Variants in GRM3 observed in about 807,000 individuals in gnomAD.
GRM3 encodes the protein glutamate metabotropic receptor 3, also known as metabotropic glutamate receptor 3.
In GRM3, 26 loss-of-function variants were observed where a neutral mutation model predicts 70.5. The ratio of observed to expected loss-of-function variants is 0.37; its 90% confidence interval spans 0.27 to 0.51. The LOEUF (loss-of-function observed/expected upper bound fraction) is 0.51. Among genes scored for constraint, GRM3 ranks in the 20% least tolerant of loss-of-function variants. GRM3 has a pLI of 0.93. For synonymous variants in GRM3, 443 were observed against 434.9 expected (o/e 1.02, Z -0.23); for missense variants, 859 against 1,123.8 (o/e 0.76, Z 3.37).
intron 1 of GRM3, among the ~76,000 whole-genome samples, chr7:86,763,316 C>G (rs1308104192): frequency 6.6e-6 from 1 of 152,088 alleles, no homozygotes; most frequent in Non-Finnish European, 1.5e-5. Context: ...CAGAAGAATG[C>G]TCCAGGAGTC....
chr7:86,680,528 C>A (rs1041323992), intron 1 of GRM3, among the ~76,000 whole-genome samples: 2 of 152,232 alleles, frequency 1.3e-5, no homozygotes, highest in African/African-American at 2.4e-5. Flanking sequence ...CTCTACTATG[C>A]AAGTGTTGGG....
Position 86,690,930 on chromosome 7 carries a change from T to C in GRM3, c.-141+46058T>C, listed in dbSNP as rs112957082. On this transcript the variant is annotated intron_variant, in intron 1 of 5. Coordinates refer to ENST00000361669, the MANE Select transcript of GRM3 (RefSeq NM_000840.3). ...TTATGTTTAAGATTTGCCTGGTTGT[T>C]GCAAAAATAAACATCTTTACCATAA... 3.1e-3 allele frequency among the ~76,000 whole-genome samples: 474 copies of C among 152,278 alleles called. 4 individuals carry two copies. The highest frequency in any genetic ancestry group is 0.011 in the African/African-American group (449 of 41,564).
chr7:86,710,042 G>A (rs1256650406), intron 1 of GRM3: 4 of 152,116 alleles, frequency 2.6e-5, no homozygotes, highest in East Asian at 3.9e-4. Flanking sequence ...AAATTAAAGC[G>A]AGCATTTTCT....
At chr7:86,782,618 A>C (rs1485999114) in intron 2 of GRM3, among the ~76,000 whole-genome samples, 3 of 152,194 alleles carry the variant, frequency 2.0e-5, no homozygotes, top group Non-Finnish European at 4.4e-5. Flanking sequence ...TTATTTTTAC[A>C]GGCTTATGTC....
At chr7:86,667,263 A>G (rs930121691) in intron 1 of GRM3, among the ~76,000 whole-genome samples, 1 of 152,144 alleles carries the variant, frequency 6.6e-6, no homozygotes, top group Non-Finnish European at 1.5e-5. Context: ...AGGGCATAGA[A>G]TAGTGGATGA....
intron 1 of GRM3, among the ~76,000 whole-genome samples, chr7:86,666,244 C>G (rs1199704168): frequency 6.6e-6 from 1 of 151,948 alleles, no homozygotes; most frequent in Non-Finnish European, 1.5e-5. Context: ...AGAAAATGAC[C>G]TGATTAGCTT....
chr7:86,732,648 C>G (rs540670657), intron 1 of GRM3, among the ~76,000 whole-genome samples: 2 of 152,304 alleles, frequency 1.3e-5, no homozygotes, highest in African/African-American at 4.8e-5. Context: ...GATATTAACA[C>G]TATGCCAATT....
intron 1 of GRM3, among the ~76,000 whole-genome samples, chr7:86,732,874 A>G (rs1795767872): frequency 6.6e-6 from 1 of 152,192 alleles, no homozygotes; most frequent in East Asian, 1.9e-4. Context: ...AGGGACTGGC[A>G]TGATCTAGAT....
chr7:86,782,392 G>T (rs927333585), intron 2 of GRM3, among the ~76,000 whole-genome samples: 18 of 150,360 alleles, frequency 1.2e-4, no homozygotes, highest in Admixed American at 7.3e-4. Context: ...TATTTGTACT[G>T]CCATTTCCAT....
chr7:86,676,620 T>C (rs1794314233), intron 1 of GRM3, among the ~76,000 whole-genome samples: 1 of 152,024 alleles, frequency 6.6e-6, no homozygotes, highest in Non-Finnish European at 1.5e-5. Flanking sequence ...GGGCCCGATA[T>C]TAGCCTCTCT....
intron 1 of GRM3, among the ~76,000 whole-genome samples, chr7:86,746,996 C>T (rs1406478895): frequency 6.6e-6 from 1 of 152,080 alleles, no homozygotes; most frequent in East Asian, 1.9e-4. Context: ...AGCTCTAGTC[C>T]TGGCTCTGGT....
At chr7:86,825,872 A>T (rs1798222180) in intron 3 of GRM3, among the ~76,000 whole-genome samples, 1 of 152,226 alleles carries the variant, frequency 6.6e-6, no homozygotes, top group Non-Finnish European at 1.5e-5. Flanking sequence ...TTCTGAGAGC[A>T]TCTCTGAATG....
chr7:86,842,436 T>C (rs531048284), intron 4 of GRM3, among the ~76,000 whole-genome samples: 2 of 152,314 alleles, frequency 1.3e-5, no homozygotes, highest in South Asian at 4.1e-4. Flanking sequence ...CTCTTATTCC[T>C]GTTGCCCCTA....
intron 1 of GRM3, among the ~76,000 whole-genome samples, chr7:86,661,457 C>T (rs1277862758): frequency 6.6e-6 from 1 of 151,872 alleles, no homozygotes; most frequent in Non-Finnish European, 1.5e-5. Flanking sequence ...GCTAATAGTT[C>T]TGTTGTACAG....
intron 1 of GRM3, among the ~76,000 whole-genome samples, chr7:86,724,778 G>A (rs1423289207): frequency 1.5e-5 from 2 of 130,038 alleles, no homozygotes; most frequent in Non-Finnish European, 3.2e-5. Flanking sequence ...ATTTGCAAAA[G>A]CCTATTCAGT....
chr7:86,822,057 G>A (rs114181784), intron 3 of GRM3, among the ~76,000 whole-genome samples: 359 of 151,906 alleles, frequency 2.4e-3, no homozygotes, highest in African/African-American at 7.6e-3. Flanking sequence ...TAACTACAAC[G>A]CTGATTGTGC....
intron 3 of GRM3, among the ~76,000 whole-genome samples, chr7:86,788,420 G>A (rs1039102529): frequency 6.6e-5 from 10 of 152,134 alleles, no homozygotes; most frequent in African/African-American, 1.9e-4. Flanking sequence ...AGAGAGGGCC[G>A]AAAGTAGTCA....
rs565838893 is a variant in GRM3, at chr7:86,688,415, A to G, written c.-141+43543A>G. 2.0e-5 allele frequency among the ~76,000 whole-genome samples: 3 copies of G among 151,846 alleles called. No homozygotes were observed. The East Asian group carries it at 5.8e-4, about 29-fold the overall frequency. On this transcript the variant is annotated intron_variant, in intron 1 of 5. Transcript: ENST00000361669. ...ATATAAAGATGTACATTTCAAAGTCATAAAAGGGTTAAGTCCATAGCAAGC... is the reference window on the plus strand; with the variant it reads ...ATATAAAGATGTACATTTCAAAGTCGTAAAAGGGTTAAGTCCATAGCAAGC...
At chr7:86,706,291 T>C (rs1795055830) in intron 1 of GRM3, among the ~76,000 whole-genome samples, 1 of 152,036 alleles carries the variant, frequency 6.6e-6, no homozygotes, top group Admixed American at 6.6e-5. Flanking sequence ...CAATTTGTTA[T>C]CTCCATAAAC....
Sources: gnomAD v4.1 joint callset for allele counts (sites outside exome capture counted in the v4.1 genomes callset) on GRCh38, gnomAD v4.1.1 for gene constraint, MANE v1.5 for transcripts, NCBI Gene and HGNC (gene_info 2026-07-23, HGNC 2026-07-21) for gene names.